UST: variants seen among roughly 807,000 people sequenced by gnomAD.
The protein encoded by UST is chondroitin sulfate 2-O-sulfotransferase.
UST carries 21 observed loss-of-function variants against 45.6 expected under a neutral mutation model. The observed-to-expected ratio is 0.46, with a 90% confidence interval of 0.33 to 0.66. The LOEUF is 0.66. Ranked by LOEUF, UST falls within the 30% of genes least tolerant of loss-of-function variation. The pLI is 0.02. For missense variants in UST, 463 were observed against 512.4 expected (o/e 0.90, Z 0.93); for synonymous variants, 215 against 200.6 (o/e 1.07, Z -0.61).
At chr6:148,814,237 G>A (rs1265788239) in intron 1 of UST, among the ~76,000 whole-genome samples, 1 of 152,140 alleles carries the variant, frequency 6.6e-6, no homozygotes, top group Non-Finnish European at 1.5e-5. Context: ...GAGTGTGTGG[G>A]GAGGAGCTGT....
intron 7 of UST, among the ~76,000 whole-genome samples, chr6:149,040,646 A>G (rs986484745): frequency 6.6e-6 from 1 of 151,744 alleles, no homozygotes; most frequent in Non-Finnish European, 1.5e-5. Context: ...CAAAAGTGAA[A>G]CTCCTTCTCA....
intron 1 of UST, among the ~76,000 whole-genome samples, chr6:148,850,116 CTA>C (rs1260961826): frequency 6.6e-6 from 1 of 152,110 alleles, no homozygotes; most frequent in African/African-American, 2.4e-5. Context: ...CTTTATATTT[CTA>C]TGAGTGTAGT....
At chr6:148,779,722 T>C (rs982502018) in intron 1 of UST, among the ~76,000 whole-genome samples, 3 of 152,242 alleles carry the variant, frequency 2.0e-5, no homozygotes, top group Admixed American at 6.5e-5. Flanking sequence ...AAAAGGACAT[T>C]TTTGGTCAAA....
chr6:148,928,895 G>A (rs1325662900), intron 2 of UST, among the ~76,000 whole-genome samples: 3 of 152,192 alleles, frequency 2.0e-5, no homozygotes, highest in Admixed American at 1.3e-4. Context: ...TCATTTCAGT[G>A]TGGGAAGCAA....
chr6:148,983,754 G>A (rs1322702652), intron 5 of UST, among the ~76,000 whole-genome samples: 2 of 152,238 alleles, frequency 1.3e-5, no homozygotes, highest in Non-Finnish European at 2.9e-5. Flanking sequence ...AGTGACAGCT[G>A]TTACCTAAAC....
intron 1 of UST, among the ~76,000 whole-genome samples, chr6:148,875,768 C>A (rs1206235779): frequency 6.6e-6 from 1 of 152,220 alleles, no homozygotes; most frequent in East Asian, 1.9e-4. Context: ...CGCACCACTG[C>A]GCTCCCGCTT....
chr6:148,983,839 G>T (rs2114983677), intron 5 of UST, among the ~76,000 whole-genome samples: 1 of 152,304 alleles, frequency 6.6e-6, no homozygotes, highest in South Asian at 2.1e-4. Flanking sequence ...CAGAAAAGGA[G>T]GACGTAGTCT....
chr6:149,073,901 A>G lies in UST; in HGVS notation c.1006A>G (p.Ile336Val). 1 of 1,614,160 alleles carries G rather than the reference A, an allele frequency of 6.2e-7. No individual in the cohort carries two copies. The highest frequency in any genetic ancestry group is 1.3e-5 in the African/African-American group (1 of 75,024). ...TGTCCCCTCTCCTGAGGCTGTGCAG[A>G]TCCTCTACCAGCGGATGAGATACGA... ...KTVPSPEAVQILYQRMRYEYE... is the reference protein window; with the variant it reads ...KTVPSPEAVQVLYQRMRYEYE... Residue 336 changes from isoleucine to valine, a missense_variant, in exon 8 of 8, where the codon ATC (isoleucine) becomes GTC (valine). Transcript: ENST00000367463.
chr6:149,003,451 A>C (rs928320525), intron 5 of UST, among the ~76,000 whole-genome samples: 1 of 152,158 alleles, frequency 6.6e-6, no homozygotes, highest in Admixed American at 6.5e-5. Context: ...AAACAAAAAA[A>C]AAAAACATTA....
intron 7 of UST, among the ~76,000 whole-genome samples, chr6:149,066,992 G>A (rs1776741225): frequency 6.6e-6 from 1 of 152,102 alleles, no homozygotes; most frequent in Non-Finnish European, 1.5e-5. Context: ...AACCCAGGGA[G>A]GTCCAGCTTT....
intron 1 of UST, among the ~76,000 whole-genome samples, chr6:148,807,316 C>G (rs1468347449): frequency 6.6e-6 from 1 of 152,110 alleles, no homozygotes; most frequent in Non-Finnish European, 1.5e-5. Context: ...CAACACTGCT[C>G]TCATCATCCT....
chr6:148,799,904 A>ACT (rs1777025807), intron 1 of UST, among the ~76,000 whole-genome samples: 2 of 151,102 alleles, frequency 1.3e-5, no homozygotes, highest in East Asian at 3.9e-4. Context: ...TATCAGAGGA[A>ACT]CTCTCTCTCT....
chr6:148,785,887 A>G (rs1483303167), intron 1 of UST, among the ~76,000 whole-genome samples: 1 of 152,246 alleles, frequency 6.6e-6, no homozygotes, highest in Non-Finnish European at 1.5e-5. Flanking sequence ...TAAAAAATGT[A>G]TGAATTGAGG....
At chr6:148,999,128 T>C (rs1582951721) in intron 5 of UST, among the ~76,000 whole-genome samples, 2 of 152,384 alleles carry the variant, frequency 1.3e-5, no homozygotes, top group African/African-American at 4.8e-5. Context: ...TCAACAATGA[T>C]ATATCTTTAT....
intron 6 of UST, among the ~76,000 whole-genome samples, chr6:149,020,963 GT>G (rs1323577407): frequency 1.3e-5 from 2 of 152,206 alleles, no homozygotes; most frequent in Non-Finnish European, 2.9e-5. Flanking sequence ...AATTGGTTCA[GT>G]TTGGTCCTCC....
chr6:148,769,600 G>C (rs1407260480), intron 1 of UST, among the ~76,000 whole-genome samples: 2 of 152,220 alleles, frequency 1.3e-5, no homozygotes, highest in Non-Finnish European at 2.9e-5. Context: ...TAAAGAGACT[G>C]CTGTGTGGTA....
chr6:148,777,943 C>T lies in UST; in HGVS notation c.247+30266C>T, dbSNP rs375306056. Among the ~76,000 whole-genome samples, 15 of 152,236 alleles carry T rather than the reference C, an allele frequency of 9.9e-5. No individual in the cohort carries two copies. The East Asian group carries it at 2.7e-3, about 27-fold the overall frequency. Reference sequence around the variant, plus strand: ...AGTCACATGCTGTCCAGGTCTGTAGCCTAGGAGCAATAGGCTATACCATCT... The same window carrying T: ...AGTCACATGCTGTCCAGGTCTGTAGTCTAGGAGCAATAGGCTATACCATCT... On this transcript the variant is annotated intron_variant, in intron 1 of 7. Coordinates refer to ENST00000367463, the MANE Select transcript of UST (RefSeq NM_005715.3).
At chr6:149,010,848 C>T (rs1349941755) in intron 5 of UST, among the ~76,000 whole-genome samples, 2 of 137,726 alleles carry the variant, frequency 1.5e-5, no homozygotes, top group East Asian at 2.2e-4. Context: ...GCCGAGATCG[C>T]GCCTCTGCAC....
chr6:149,033,712 G>T (rs1190755096), intron 7 of UST, among the ~76,000 whole-genome samples: 2 of 152,144 alleles, frequency 1.3e-5, no homozygotes, highest in Non-Finnish European at 1.5e-5. Context: ...CATAGCATAC[G>T]CTTCTAGATG....
Sources: allele counts gnomAD v4.1 joint callset (sites outside exome capture counted in the v4.1 genomes callset), GRCh38; gene constraint gnomAD v4.1.1; transcripts MANE v1.5; gene names NCBI Gene and HGNC (gene_info 2026-07-23, HGNC 2026-07-21).